Variants in UQCC1 observed in about 807,000 individuals in gnomAD.
UQCC1 encodes the protein ubiquinol-cytochrome c reductase complex assembly factor 1, also known as bFGF-repressed Zic-binding protein.
A neutral mutation model predicts 48.0 loss-of-function variants in UQCC1; 38 were observed. That is an observed-to-expected ratio of 0.79 (90% confidence interval 0.61 to 1.04). The LOEUF (loss-of-function observed/expected upper bound fraction) is 1.04, where lower values mean the gene tolerates loss of function less well. Among genes scored for constraint, UQCC1 ranks in the 50% least tolerant of loss-of-function variants. UQCC1 has a pLI of 0.00. For synonymous variants in UQCC1, 111 were observed against 129.2 expected (o/e 0.86, Z 0.95); for missense variants, 368 against 381.8 (o/e 0.96, Z 0.30).
intron 8 of UQCC1, among the ~76,000 whole-genome samples, chr20:35,308,463 T>C (rs2060952015): frequency 6.6e-6 from 1 of 152,218 alleles, no homozygotes; most frequent in Admixed American, 6.5e-5. Context: ...GGAGCGCGTG[T>C]TATGGGGACC....
At chr20:35,366,492 TACCTTA>T (rs2061667755) in intron 6 of UQCC1, 59 bp downstream of exon 6, 4 of 1,446,794 alleles carry the variant, frequency 2.8e-6, no homozygotes, top group Non-Finnish European at 3.9e-6. Flanking sequence ...CTGAAGGCTA[TACCTTA>T]CAAGTCAGCA....
At chr20:35,314,094 A>G (rs192569236) in intron 8 of UQCC1, among the ~76,000 whole-genome samples, 51 of 152,082 alleles carry the variant, frequency 3.4e-4, no homozygotes, top group Non-Finnish European at 6.3e-4. Context: ...CCTCTAGAGT[A>G]GCTGGGATTA....
intron 1 of UQCC1, among the ~76,000 whole-genome samples, chr20:35,409,674 T>C (rs1279386162): frequency 6.6e-6 from 1 of 152,236 alleles, no homozygotes; most frequent in Non-Finnish European, 1.5e-5. Context: ...GGCTCTCTGC[T>C]GTAGTCATTC....
chr20:35,394,204 A>G lies in UQCC1; in HGVS notation c.25-8T>C. Reference sequence around the variant, plus strand: ...AATGCTAGTCTGGTTCCTCTAAAGAAAGAAAATAATAATCTGTCAGGAATC... The same window carrying G: ...AATGCTAGTCTGGTTCCTCTAAAGAGAGAAAATAATAATCTGTCAGGAATC... On this transcript the variant is annotated splice_region_variant and splice_polypyrimidine_tract_variant and intron_variant, in intron 1 of 9. Coordinates refer to ENST00000374385, the MANE Select transcript of UQCC1 (RefSeq NM_018244.5). 6.2e-7 allele frequency: 1 copy of G among 1,609,200 alleles called. No individual in the cohort carries two copies. The highest frequency in any genetic ancestry group is 8.5e-7 in the Non-Finnish European group (1 of 1,175,680).
At chr20:35,367,908 G>T (rs1211655292) in intron 5 of UQCC1, among the ~76,000 whole-genome samples, 1 of 152,152 alleles carries the variant, frequency 6.6e-6, no homozygotes, top group African/African-American at 2.4e-5. Context: ...CTTCTCCTTG[G>T]TTTCAGATCC....
At chr20:35,362,654 C>T (rs149698589) in intron 6 of UQCC1, among the ~76,000 whole-genome samples, 158 of 152,132 alleles carry the variant, frequency 1.0e-3, no homozygotes, top group African/African-American at 2.9e-3. Flanking sequence ...CCACTGGGCC[C>T]GGCCAAAACT....
chr20:35,323,040 G>A (rs2061149330), intron 7 of UQCC1, among the ~76,000 whole-genome samples: 2 of 152,194 alleles, frequency 1.3e-5, no homozygotes, highest in Admixed American at 6.5e-5. Context: ...GTAGAGACGG[G>A]GTTTCACCGT....
intron 1 of UQCC1, among the ~76,000 whole-genome samples, chr20:35,410,418 G>C (rs1008678975): frequency 6.6e-6 from 1 of 151,362 alleles, no homozygotes; most frequent in African/African-American, 2.4e-5. Flanking sequence ...TGTAATCCCA[G>C]CTACTTGGGA....
rs551543150 is a variant in UQCC1 at position 35,311,673 on chromosome 20, C to A, written c.651+3015G>T. ...GTACCTAGGTCCTCTAGGTGACTCA[C>A]ATGCACATTAAAATACAGGAAAAAC... On this transcript the variant is annotated intron_variant, in intron 8 of 9. Transcript: ENST00000374385. Among the ~76,000 whole-genome samples, 9 of 152,276 alleles carry A rather than the reference C, an allele frequency of 5.9e-5. 1 individual carries two copies. The South Asian group carries it at 1.9e-3, about 32-fold the overall frequency.
At chr20:35,317,172 A>T (rs1424311963) in intron 7 of UQCC1, among the ~76,000 whole-genome samples, 1 of 142,764 alleles carries the variant, frequency 7.0e-6, no homozygotes, top group African/African-American at 2.6e-5. Flanking sequence ...TCCTGACCTC[A>T]GGCGATCAGC....
chr20:35,315,781 T>A (rs1273691587), intron 7 of UQCC1, among the ~76,000 whole-genome samples: 1 of 152,028 alleles, frequency 6.6e-6, no homozygotes, highest in African/African-American at 2.4e-5. Context: ...TCCCGGCTAC[T>A]TGGGAGGCTG....
At chr20:35,400,491 A>AT (rs943996847) in intron 1 of UQCC1, among the ~76,000 whole-genome samples, 14 of 150,002 alleles carry the variant, frequency 9.3e-5, no homozygotes, top group African/African-American at 2.7e-4. Flanking sequence ...CAAAAAAAAA[A>AT]TTTTTTTCTT....
intron 7 of UQCC1, among the ~76,000 whole-genome samples, chr20:35,323,680 A>C (rs2061157967): frequency 6.6e-6 from 1 of 152,220 alleles, no homozygotes; most frequent in African/African-American, 2.4e-5. Flanking sequence ...TTCTATGGCC[A>C]AGAGAAACAC....
chr20:35,346,207 G>A (rs1354966036), intron 7 of UQCC1: 1 of 152,146 alleles, frequency 6.6e-6, no homozygotes, highest in Non-Finnish European at 1.5e-5. Context: ...AGCAGACATG[G>A]GCAGGGACAA....
At chr20:35,317,594 G>A (rs544310664) in intron 7 of UQCC1, among the ~76,000 whole-genome samples, 2 of 152,176 alleles carry the variant, frequency 1.3e-5, no homozygotes, top group East Asian at 3.9e-4. Flanking sequence ...TTCTGCCTGG[G>A]TACACACGTG....
chr20:35,404,664 A>G (rs1364928751), intron 1 of UQCC1, among the ~76,000 whole-genome samples: 2 of 143,150 alleles, frequency 1.4e-5, no homozygotes, highest in African/African-American at 2.9e-5. Flanking sequence ...CTTAAAGTAT[A>G]AAAAAAAAAG....
Position 35,366,587 on chromosome 20 carries a change from G to A in UQCC1, c.434C>T (p.Ser145Leu). The A allele has an allele frequency of 1.2e-6, 2 of 1,613,902 alleles. No individual in the cohort carries two copies. Among genetic ancestry groups the A allele is most frequent in the Non-Finnish European group, 1.7e-6 (2 of 1,179,880 alleles). ...LRCQMPDTFN[S>L]WFLITLLHVW... ...GTGGAGTAGGGTTATAAGAAACCAT[G>A]AATTGAATGTATCAGGCATCTGACA... The change falls in exon 6 of 10, where the codon TCA becomes TTA. Residue 145 changes from serine (S) to leucine (L), a missense_variant. By Grantham distance (145) the Ser-to-Leu change is moderately radical. Transcript: ENST00000374385.
chr20:35,307,841 TAC>T (rs918783362), intron 8 of UQCC1, among the ~76,000 whole-genome samples: 2 of 152,188 alleles, frequency 1.3e-5, no homozygotes, highest in Non-Finnish European at 2.9e-5. Flanking sequence ...ACAGCGGGGA[TAC>T]AGTCAAAACC....
chr20:35,311,892 G>A (rs2060999120), intron 8 of UQCC1, among the ~76,000 whole-genome samples: 1 of 152,092 alleles, frequency 6.6e-6, no homozygotes, highest in African/African-American at 2.4e-5. Context: ...TGAACCACCA[G>A]GCAGCACTCC....
Sources: allele counts gnomAD v4.1 joint callset (sites outside exome capture counted in the v4.1 genomes callset), GRCh38; gene constraint gnomAD v4.1.1; transcripts MANE v1.5; gene names NCBI Gene and HGNC (gene_info 2026-07-23, HGNC 2026-07-21).